ELMO1: variants seen among roughly 807,000 people sequenced by gnomAD.
ELMO1 encodes engulfment and cell motility protein 1.
In ELMO1, 26 loss-of-function variants were observed where a neutral mutation model predicts 98.9. The ratio of observed to expected loss-of-function variants is 0.26; its 90% confidence interval spans 0.19 to 0.36. ELMO1 has a LOEUF of 0.36. ELMO1 is among the 10% of genes least tolerant of loss of function. The pLI is 1.00. For synonymous variants in ELMO1, 346 were observed against 346.0 expected (o/e 1.00, Z 0.00); for missense variants, 627 against 935.2 (o/e 0.67, Z 4.30).
intron 4 of ELMO1, among the ~76,000 whole-genome samples, chr7:37,297,258 G>GTA (rs931374965): frequency 6.6e-6 from 1 of 152,114 alleles, no homozygotes; most frequent in African/African-American, 2.4e-5. Context: ...TTTAAAGGTT[G>GTA]TATAAGTCAA....
At chr7:37,182,462 C>CTCTA (rs1790930493) in intron 13 of ELMO1, among the ~76,000 whole-genome samples, 1 of 14,704 alleles carries the variant, frequency 6.8e-5, no homozygotes, top group African/African-American at 1.3e-4. Context: ...TTGTGCTCTA[C>CTCTA]TTTTTTTTTT....
At chr7:37,192,073 A>C (rs1791620751) in intron 13 of ELMO1, among the ~76,000 whole-genome samples, 1 of 152,268 alleles carries the variant, frequency 6.6e-6, no homozygotes, top group Non-Finnish European at 1.5e-5. Context: ...TAACAGTAGC[A>C]GTGTTTGCCT....
At chr7:37,444,873 T>G (rs1805546216) in intron 1 of ELMO1, among the ~76,000 whole-genome samples, 1 of 152,216 alleles carries the variant, frequency 6.6e-6, no homozygotes, top group Non-Finnish European at 1.5e-5. Context: ...GGTTCAACAT[T>G]TGGAAATAGC....
chr7:37,207,938 G>A (rs1157007868), intron 13 of ELMO1, among the ~76,000 whole-genome samples: 2 of 152,226 alleles, frequency 1.3e-5, no homozygotes, highest in African/African-American at 2.4e-5. Flanking sequence ...CACCTAGATT[G>A]TGACTTTAGA....
chr7:37,240,071 C>T (rs1794682048), intron 7 of ELMO1, among the ~76,000 whole-genome samples: 1 of 143,016 alleles, frequency 7.0e-6, no homozygotes, highest in Non-Finnish European at 1.5e-5. Flanking sequence ...CAGAGTCTCA[C>T]TCTGTTGCCC....
chr7:37,024,555 A>G (rs1390099548), intron 15 of ELMO1, among the ~76,000 whole-genome samples: 1 of 152,216 alleles, frequency 6.6e-6, no homozygotes, highest in Non-Finnish European at 1.5e-5. Context: ...CAAAGTGGAT[A>G]GGAGTGTCAT....
chr7:37,279,079 G>A (rs1797003846), intron 4 of ELMO1, among the ~76,000 whole-genome samples: 1 of 152,136 alleles, frequency 6.6e-6, no homozygotes, highest in Admixed American at 6.5e-5. Context: ...GCGGGCGCCT[G>A]TAATCCCAGC....
intron 16 of ELMO1, among the ~76,000 whole-genome samples, chr7:36,899,684 CTT>C (rs10522661): frequency 1.6e-5 from 1 of 63,664 alleles, no homozygotes; most frequent in Non-Finnish European, 3.1e-5. Flanking sequence ...CTTTACTCAT[CTT>C]TTTTTTTTTT....
chr7:36,970,346 A>G (rs6462726), intron 16 of ELMO1, among the ~76,000 whole-genome samples: 5,073 of 152,246 alleles, frequency 0.033, 310 homozygotes, highest in African/African-American at 0.12. Flanking sequence ...AAATCATATT[A>G]CACAATTTAT....
intron 1 of ELMO1, among the ~76,000 whole-genome samples, chr7:37,388,414 A>ATT (rs3054376): frequency 0.76 from 113,263 of 149,216 alleles, 43,231 homozygotes; most frequent in East Asian, 0.94. Flanking sequence ...TATGTAACTA[A>ATT]TTTTTTTTTT....
chr7:37,163,003 T>C (rs1378714325), intron 13 of ELMO1, among the ~76,000 whole-genome samples: 4 of 152,196 alleles, frequency 2.6e-5, no homozygotes, highest in African/African-American at 9.6e-5. Flanking sequence ...CAATATGACA[T>C]TGAAAGGATA....
At chr7:37,204,149 C>T (rs758429512) in intron 13 of ELMO1, 17 of 456,470 alleles carry the variant, frequency 3.7e-5, no homozygotes, top group Non-Finnish European at 4.4e-5. Context: ...TGGCGATGGG[C>T]GATGGTCCCA....
At chr7:37,033,897 C>G (rs967213895) in intron 15 of ELMO1, among the ~76,000 whole-genome samples, 1 of 152,060 alleles carries the variant, frequency 6.6e-6, no homozygotes, top group Non-Finnish European at 1.5e-5. Flanking sequence ...AGGGAGGAAG[C>G]GAACAGTTAG....
chr7:37,321,854 T>TC (rs34641814), intron 2 of ELMO1, among the ~76,000 whole-genome samples: 76,516 of 134,290 alleles, frequency 0.57, 22,219 homozygotes, highest in East Asian at 0.8. Context: ...AAAAAGTAAC[T>TC]CCCTTTTTTT....
chr7:37,212,264 T>A (rs1337852026), intron 12 of ELMO1, among the ~76,000 whole-genome samples: 1 of 151,822 alleles, frequency 6.6e-6, no homozygotes, highest in African/African-American at 2.4e-5. Flanking sequence ...GGGTACAGAG[T>A]TTCAGTTCTG....
chr7:37,440,374 A>G, intron 1 of ELMO1, among the ~76,000 whole-genome samples: 1 of 151,834 alleles, frequency 6.6e-6, no homozygotes, highest in African/African-American at 2.4e-5. Flanking sequence ...CCCAAGAGGC[A>G]GAGGTTACAG....
intron 1 of ELMO1, among the ~76,000 whole-genome samples, chr7:37,413,227 C>T (rs1804068113): frequency 6.6e-6 from 1 of 152,012 alleles, no homozygotes; most frequent in Non-Finnish European, 1.5e-5. Context: ...TCTCCCTTCC[C>T]CTTGCACACA....
chr7:37,217,641 A>G (rs979401719), intron 10 of ELMO1: 1 of 454,464 alleles, frequency 2.2e-6, no homozygotes, highest in African/African-American at 2.0e-5. Context: ...GCATACAAGC[A>G]GGGGTGGACA....
intron 18 of ELMO1, among the ~76,000 whole-genome samples, chr7:36,883,125 T>A (rs949462938): frequency 5.3e-5 from 8 of 152,186 alleles, no homozygotes; most frequent in Non-Finnish European, 1.0e-4. Flanking sequence ...ATACCAGCCT[T>A]GTTGGCAGGA....
Sources: allele counts gnomAD v4.1 joint callset (sites outside exome capture counted in the v4.1 genomes callset), GRCh38; gene constraint gnomAD v4.1.1; transcripts MANE v1.5; gene names NCBI Gene and HGNC (gene_info 2026-07-23, HGNC 2026-07-21).